Variants in NRXN3 observed in about 807,000 individuals in gnomAD.
NRXN3 encodes neurexin 3.
In NRXN3, 32 loss-of-function variants were observed where a neutral mutation model predicts 137.6. That is an observed-to-expected ratio of 0.23 (90% CI 0.18 to 0.31). The LOEUF (loss-of-function observed/expected upper bound fraction) is 0.31, where lower values mean the gene tolerates loss of function less well. Ranked by LOEUF, NRXN3 falls within the 10% of genes least tolerant of loss-of-function variation. The pLI is 1.00. For synonymous variants in NRXN3, 798 were observed against 784.5 expected (o/e 1.02, Z -0.29); for missense variants, 1,574 against 2,062.5 (o/e 0.76, Z 4.59).
rs183408749 is a variant in NRXN3 at position 78,882,953 on chromosome 14, C to T, written c.2275+72609C>T. Among the ~76,000 whole-genome samples, 475 of 149,414 alleles carry T rather than the reference C, an allele frequency of 3.2e-3. 8 individuals are homozygous for T. Among genetic ancestry groups the T allele is most frequent in the African/African-American group, 0.011 (441 of 38,884 alleles). ...CTTGAATCATGGGAGTGGTTACCCT[C>T]ATGCTGTTCTCATGATAGTGAGTGA... On this transcript the variant is annotated intron_variant, in intron 10 of 20. Transcript: ENST00000335750.
chr14:79,499,956 C>CTTGTGT (rs60538373), intron 16 of NRXN3, among the ~76,000 whole-genome samples: 4 of 145,140 alleles, frequency 2.8e-5, no homozygotes, highest in African/African-American at 1.0e-4. Flanking sequence ...ATCTTAGGGT[C>CTTGTGT]GTGTGTGTGT....
In NRXN3 at chr14:78,416,685, T is replaced by C. The variant is rs568707721; in HGVS notation, c.757+118825T>C. 5.3e-5 allele frequency among the ~76,000 whole-genome samples: 8 copies of C among 152,348 alleles called. No individual in the cohort carries two copies. The East Asian group carries it at 1.5e-3, about 29-fold the overall frequency. On this transcript the variant is annotated intron_variant, in intron 4 of 20. Coordinates refer to ENST00000335750, the MANE Select transcript of NRXN3 (RefSeq NM_001330195.2). The stretch of plus-strand genomic sequence containing the variant: ...ACTAATGCATGCCATTGGCTTTTGC[T>C]CTAGCACCGAATTACACTCACTTGG...
chr14:79,856,600 C>T (rs1168555822), intron 20 of NRXN3, among the ~76,000 whole-genome samples: 1 of 146,198 alleles, frequency 6.8e-6, no homozygotes, highest in Non-Finnish European at 1.5e-5. Context: ...GTTGAAACTT[C>T]ATGCTTGTTT....
intron 1 of NRXN3, among the ~76,000 whole-genome samples, chr14:78,209,092 T>G (rs1459886082): frequency 1.3e-5 from 2 of 152,150 alleles, no homozygotes; most frequent in East Asian, 3.9e-4. Context: ...TTGAAGCTTG[T>G]CTGAAGGAGA....
At chr14:78,863,659 C>G (rs1361934347) in intron 10 of NRXN3, among the ~76,000 whole-genome samples, 1 of 152,100 alleles carries the variant, frequency 6.6e-6, no homozygotes, top group Non-Finnish European at 1.5e-5. Flanking sequence ...TTGATTTGAT[C>G]TCTAATTATA....
In NRXN3 at chr14:78,547,742, A is replaced by G. The variant is rs535174346; in HGVS notation, c.758-97378A>G. On this transcript the variant is annotated intron_variant, in intron 4 of 20. Transcript: ENST00000335750. ...TAAAGCTTTTGCTGATATAAATAGA[A>G]ATATTTTTCTCATTTCTATTCCTTA... 5.2e-4 allele frequency among the ~76,000 whole-genome samples: 79 copies of G among 152,142 alleles called. 1 individual carries two copies. The South Asian group carries it at 0.016, about 31-fold the overall frequency.
chr14:78,773,386 A>G (rs971081601), intron 8 of NRXN3, among the ~76,000 whole-genome samples: 1 of 152,102 alleles, frequency 6.6e-6, no homozygotes, highest in Non-Finnish European at 1.5e-5. Context: ...CATAAGAAGG[A>G]AAGCATGGAG....
chr14:79,332,499 G>A (rs181806188), intron 15 of NRXN3, among the ~76,000 whole-genome samples: 1 of 152,288 alleles, frequency 6.6e-6, no homozygotes, highest in East Asian at 1.9e-4. Context: ...TCTACTCACC[G>A]TTTAAGACCA....
rs559564760 is a variant in NRXN3 at position 79,478,135 on chromosome 14, T to C, written c.3444+10733T>C. Reference sequence around the variant, plus strand: ...GTGCTAATGTCTCAAGGGAGATGAATAGGAACTTGGGAAATATATACATAT... The same window carrying C: ...GTGCTAATGTCTCAAGGGAGATGAACAGGAACTTGGGAAATATATACATAT... On this transcript the variant is annotated intron_variant, in intron 16 of 20. Coordinates refer to ENST00000335750, the MANE Select transcript of NRXN3 (RefSeq NM_001330195.2). Among the ~76,000 whole-genome samples, 113 of 150,756 alleles carry C rather than the reference T, an allele frequency of 7.5e-4. 5 individuals are homozygous for C. The South Asian group carries it at 0.022, about 29-fold the overall frequency.
At chr14:78,712,848 C>G (rs1309878017) in intron 7 of NRXN3, among the ~76,000 whole-genome samples, 1 of 152,256 alleles carries the variant, frequency 6.6e-6, no homozygotes, top group Admixed American at 6.5e-5. Context: ...CAGGCGTGAG[C>G]CACCACACCC....
intron 15 of NRXN3, among the ~76,000 whole-genome samples, chr14:79,428,450 G>A (rs936231852): frequency 3.3e-5 from 5 of 152,088 alleles, no homozygotes; most frequent in African/African-American, 1.2e-4. Flanking sequence ...CACAAATTAT[G>A]TAGGTTGTAT....
intron 20 of NRXN3, among the ~76,000 whole-genome samples, chr14:79,831,930 T>C (rs1388451424): frequency 1.3e-5 from 2 of 152,124 alleles, no homozygotes; most frequent in African/African-American, 2.4e-5. Flanking sequence ...AACACACATA[T>C]GCTTATGTGA....
At chr14:78,200,936 G>A (rs1438931551) in intron 1 of NRXN3, among the ~76,000 whole-genome samples, 6 of 152,084 alleles carry the variant, frequency 3.9e-5, no homozygotes, top group African/African-American at 1.2e-4. Context: ...AGTCTCTTGA[G>A]CTATGGGGGG....
chr14:78,778,724 TTCTTTCTC>T (rs1280487734), intron 8 of NRXN3, among the ~76,000 whole-genome samples: 101 of 145,146 alleles, frequency 7.0e-4, no homozygotes, highest in South Asian at 1.1e-3. Context: ...CTTTCTTTCT[TTCTTTCTC>T]TCTCTCTTTC....
intron 4 of NRXN3, among the ~76,000 whole-genome samples, chr14:78,320,262 C>T (rs555259437): frequency 2.0e-5 from 3 of 152,216 alleles, no homozygotes; most frequent in African/African-American, 4.8e-5. Context: ...CCGGGATTTT[C>T]GTTGTTATTT....
intron 3 of NRXN3, chr14:78,282,106 C>G: frequency 2.0e-6 from 1 of 497,326 alleles, no homozygotes. Context: ...AGGACCTATC[C>G]AAGGCCATGT....
chr14:78,986,467 C>T (rs2099505227), intron 14 of NRXN3, among the ~76,000 whole-genome samples: 1 of 152,024 alleles, frequency 6.6e-6, no homozygotes, highest in Admixed American at 6.6e-5. Context: ...AGTTTAATGG[C>T]AATCTGTAAG....
At chr14:78,575,222 C>T (rs2152331433) in intron 4 of NRXN3, among the ~76,000 whole-genome samples, 1 of 152,254 alleles carries the variant, frequency 6.6e-6, no homozygotes, top group South Asian at 2.1e-4. Context: ...TTATAAATTA[C>T]CTAGTCTCAG....
intron 1 of NRXN3, among the ~76,000 whole-genome samples, chr14:78,210,864 T>C (rs1003576414): frequency 6.6e-6 from 1 of 152,082 alleles, no homozygotes; most frequent in Non-Finnish European, 1.5e-5. Flanking sequence ...GTTTTTTTAA[T>C]TTGCTTTGTG....
Sources: allele counts gnomAD v4.1 joint callset (sites outside exome capture counted in the v4.1 genomes callset), GRCh38; gene constraint gnomAD v4.1.1; transcripts MANE v1.5; gene names NCBI Gene and HGNC (gene_info 2026-07-23, HGNC 2026-07-21).